Variants in ATP7A observed in about 807,000 individuals in gnomAD.
ATP7A encodes copper-transporting ATPase 1.
In ATP7A, 7 loss-of-function variants were observed where a neutral mutation model predicts 83.5. That is an observed-to-expected ratio of 0.08 (90% CI 0.05 to 0.16). The LOEUF (loss-of-function observed/expected upper bound fraction) is 0.16, where lower values mean the gene tolerates loss of function less well. Ranked by LOEUF, ATP7A falls within the 10% of genes least tolerant of loss-of-function variation. The pLI is 1.00. For missense variants in ATP7A, 940 were observed against 1,120.8 expected (o/e 0.84, Z 2.30); for synonymous variants, 354 against 395.2 (o/e 0.90, Z 1.24).
intron 5 of ATP7A, among the ~76,000 whole-genome samples, chrX:77,999,634 T>G (rs942825843): frequency 1.8e-5 from 2 of 111,708 alleles, no homozygotes; most frequent in African/African-American, 3.3e-5. Context: ...CCAGGCACGG[T>G]GACTCACACC....
chrX:78,010,364 A>G (rs781976726), intron 7 of ATP7A, among the ~76,000 whole-genome samples: 3 of 111,863 alleles, frequency 2.7e-5, no homozygotes, highest in Non-Finnish European at 5.6e-5. Context: ...CTGCCAACAA[A>G]TGTAAGATGG....
At position 77,988,236 on chromosome X, in the gene ATP7A, CA is replaced by C. The variant is rs1287511385; in HGVS notation, c.121-2del. ...TAAACTGACTTTTGGAATTTCCTTCCAAAAGGTATCACTGGAAGAAAAAAAT... is the reference window on the plus strand; with the variant it reads ...TAAACTGACTTTTGGAATTTCCTTCCAAAGGTATCACTGGAAGAAAAAAAT... On this transcript the variant is annotated splice_region_variant and splice_polypyrimidine_tract_variant and intron_variant, in intron 2 of 22. Transcript: ENST00000341514. 2.8e-5 allele frequency: 34 copies of C among 1,196,134 alleles called. No homozygotes were observed. Among genetic ancestry groups the C allele is most frequent in the Non-Finnish European group, 3.4e-5 (30 of 889,600 alleles).
At chrX:77,994,642 C>T (rs1401365051) in intron 4 of ATP7A, among the ~76,000 whole-genome samples, 1 of 110,580 alleles carries the variant, frequency 9.0e-6, no homozygotes, top group African/African-American at 3.3e-5. Context: ...GGGGCTTAAG[C>T]GATCTTCCCA....
intron 1 of ATP7A, among the ~76,000 whole-genome samples, chrX:77,912,565 G>GA (rs782382595): frequency 1.8e-5 from 2 of 111,360 alleles, no homozygotes; most frequent in Non-Finnish European, 3.8e-5. Flanking sequence ...CTTATATAGA[G>GA]AAAAAAATAC....
At chrX:78,007,434 T>C (rs1302231909) in intron 6 of ATP7A, among the ~76,000 whole-genome samples, 1 of 111,360 alleles carries the variant, frequency 9.0e-6, no homozygotes, top group Non-Finnish European at 1.9e-5. Context: ...CACACCATTC[T>C]CCTGCCTCAG....
intron 7 of ATP7A, among the ~76,000 whole-genome samples, chrX:78,009,751 A>G (rs1557234189): frequency 8.9e-6 from 1 of 112,175 alleles, no homozygotes; most frequent in Non-Finnish European, 1.9e-5. Context: ...TGAGGCCAGG[A>G]GTTCAAGACC....
intron 14 of ATP7A, among the ~76,000 whole-genome samples, chrX:78,023,094 T>C (rs2077918851): frequency 8.9e-6 from 1 of 111,929 alleles, no homozygotes; most frequent in Non-Finnish European, 1.9e-5. Context: ...GCCTCCAGCT[T>C]CACCTATGCT....
chrX:77,931,937 T>G (rs1383399369), intron 1 of ATP7A, among the ~76,000 whole-genome samples: 1 of 61,820 alleles, frequency 1.6e-5, no homozygotes, highest in African/African-American at 6.5e-5. Context: ...GGCGGCTGGC[T>G]GGGCGGGGGG....
At position 78,002,498 on chromosome X, in the gene ATP7A, A is replaced by C. The variant is rs1301750382; in HGVS notation, c.1544-575A>C. ...TAATTTGCATCCAAGTCAAACAAAA[A>C]ACTGTTGAACTAGTAAACAGTTATA... is the stretch of plus-strand genomic sequence containing the variant. On this transcript the variant is annotated intron_variant, in intron 5 of 22. Coordinates refer to ENST00000341514, the MANE Select transcript of ATP7A (RefSeq NM_000052.7). Among the ~76,000 whole-genome samples the C allele has an allele frequency of 4.5e-5, 5 of 111,375 alleles. No individual in the cohort carries two copies. In the Admixed American group the frequency reaches 4.8e-4, roughly 11 times the overall value.
At chrX:77,926,702 T>C (rs1557223601) in intron 1 of ATP7A, among the ~76,000 whole-genome samples, 1 of 110,443 alleles carries the variant, frequency 9.1e-6, no homozygotes, top group East Asian at 2.8e-4. Context: ...TACTTGACTT[T>C]TGCAATTTTT....
In ATP7A at chrX:77,989,612, C is replaced by G. The variant is rs1471890536; in HGVS notation, c.990C>G (p.Ser330=). The change falls in exon 4 of 23, where the codon TCC becomes TCG. Residue 330 remains serine (S), a synonymous_variant. Transcript: ENST00000341514. ...KYNASSVTPE[S]LRKAIEAVSP... is the part of the protein sequence containing the mutation. ...ATGCAAGCTCAGTCACTCCAGAATC[C>G]CTGAGAAAAGCAATAGAGGCTGTAT... The G allele has an allele frequency of 8.3e-7, 1 of 1,211,361 alleles. No individual in the cohort carries two copies. The highest frequency in any genetic ancestry group is 1.1e-6 in the Non-Finnish European group (1 of 895,338).
In ATP7A at chrX:77,998,336, C is replaced by T. The variant is rs2077717338; in HGVS notation, c.1337-142C>T. 1.9e-5 allele frequency: 11 copies of T among 576,409 alleles called. No individual in the cohort carries two copies. The South Asian group carries it at 2.4e-4, about 12-fold the overall frequency. 47.5% of individuals were successfully genotyped at this position (576,409 alleles called of 1,213,427 possible). A position where few individuals can be genotyped will look rare whatever the true frequency, so the allele number is the denominator to read the frequency against. On this transcript the variant is annotated intron_variant, in intron 4 of 22. Transcript: ENST00000341514. ...ACTGCGGAGGAAAGTGTAGAGATAA[C>T]TTAATGCTAACGGATAGTAGGAACT...
rs2078089538 is a variant in ATP7A at position 78,047,362 on chromosome X, C to G, written c.*792C>G. 8.9e-6 allele frequency: 1 copy of G among 111,934 alleles called. No homozygotes were observed. Among genetic ancestry groups the G allele is most frequent in the Non-Finnish European group, 1.9e-5 (1 of 53,235 alleles). The allele number at this position is 111,934 out of a possible 1,213,427, so 9.2% of individuals were successfully genotyped here. The stretch of plus-strand genomic sequence containing the variant: ...TAAAAAGTATATCAAATTATTCCTT[C>G]AAGTTTCCTAGCTCTGTGCTCAGTT... On this transcript the variant is annotated 3_prime_UTR_variant, in exon 23 of 23. Transcript: ENST00000341514.
intron 16 of ATP7A, among the ~76,000 whole-genome samples, chrX:78,032,182 A>T (rs1251149084): frequency 2.7e-5 from 3 of 111,471 alleles, no homozygotes; most frequent in Non-Finnish European, 5.7e-5. Flanking sequence ...TATTAAGTGA[A>T]TTTTCCTGTC....
intron 2 of ATP7A, among the ~76,000 whole-genome samples, chrX:77,987,448 G>GTC: frequency 1.0e-5 from 1 of 98,436 alleles, no homozygotes; most frequent in East Asian, 3.7e-4. Flanking sequence ...CAGTATTTGT[G>GTC]TGTGTGTGTG....
intron 12 of ATP7A, among the ~76,000 whole-genome samples, chrX:78,017,044 A>G (rs1358285699): frequency 8.9e-6 from 1 of 112,557 alleles, no homozygotes; most frequent in Non-Finnish European, 1.9e-5. Context: ...GAGGTTTTCC[A>G]TGATGGCTTC....
In ATP7A at chrX:77,967,624, G is replaced by T. The variant is rs138931680; in HGVS notation, c.-21-3997G>T. The stretch of plus-strand genomic sequence containing the variant: ...TGTTTTTTTCTTGTAAATTGTTTAA[G>T]TTCCTTGTAGATTCTGGATATTAGA... On this transcript the variant is annotated intron_variant, in intron 1 of 22. Coordinates refer to ENST00000341514, the MANE Select transcript of ATP7A (RefSeq NM_000052.7). Among the ~76,000 whole-genome samples the T allele has an allele frequency of 4.9e-3, 553 of 111,809 alleles. 25 individuals carry two copies. The East Asian group carries it at 0.13, about 25-fold the overall frequency.
rs1318638094 is a variant in ATP7A at position 78,009,228 on chromosome X, A to G, written c.1834A>G (p.Ile612Val). The G allele has an allele frequency of 4.1e-6, 5 of 1,208,064 alleles. No homozygotes were observed. Among genetic ancestry groups the G allele is most frequent in the East Asian group, 3.0e-5 (1 of 33,731 alleles). ...AGCACATATTAAATATGACCCAGAA[A>G]TTATTGGTCCTAGAGATATTATCCA... ...NKAHIKYDPE[I>V]IGPRDIIHTI... The change falls in exon 7 of 23, where the codon ATT becomes GTT. Residue 612 changes from isoleucine to valine, a missense_variant. Around this residue, in one of 3 missense-constraint regions of ATP7A, gnomAD observed 204 missense variants for 185.8 expected, o/e 1.10. Coordinates refer to ENST00000341514, the MANE Select transcript of ATP7A (RefSeq NM_000052.7).
chrX:78,044,855 G>T, intron 21 of ATP7A, among the ~76,000 whole-genome samples: 1 of 111,585 alleles, frequency 9.0e-6, no homozygotes, highest in Middle Eastern at 4.6e-3. Context: ...AATGACATGA[G>T]AACAATTACA....
Sources: gnomAD v4.1 joint callset for allele counts (sites outside exome capture counted in the v4.1 genomes callset) on GRCh38, gnomAD v4.1.1 for gene constraint, gnomAD v4.1.1 regional missense constraint, MANE v1.5 for transcripts, NCBI Gene and HGNC (gene_info 2026-07-23, HGNC 2026-07-21) for gene names.